LHX6: variants seen among roughly 807,000 people sequenced by gnomAD.
LHX6 encodes the protein LIM/homeobox protein Lhx6.
Under a neutral mutation model 47.1 loss-of-function variants are expected in LHX6, and 15 were observed. The ratio of observed to expected loss-of-function variants is 0.32; its 90% CI spans 0.21 to 0.49. The LOEUF (loss-of-function observed/expected upper bound fraction) is 0.49, where lower values mean the gene tolerates loss of function less well. LHX6 is among the 20% of genes least tolerant of loss of function. The pLI is 0.99. For synonymous variants in LHX6, 242 were observed against 233.5 expected (o/e 1.04, Z -0.33); for missense variants, 404 against 539.6 (o/e 0.75, Z 2.49).
rs112762635 is a variant in LHX6, at chr9:122,205,887, G to A, written c.1159-1107C>T. Among the ~76,000 whole-genome samples, 83 of 152,198 alleles carry A rather than the reference G, an allele frequency of 5.5e-4. 1 individual carries two copies. Among genetic ancestry groups the A allele is most frequent in the Middle Eastern group, 3.4e-3 (1 of 294 alleles). On this transcript the variant is annotated intron_variant, in intron 9 of 9. Transcript: ENST00000394319. ...CATTCCCAGATCTCACAGGGGAGGTGGCAGAGCTGGGATTCCGAGCTGGCC... is the reference window on the plus strand; with the variant it reads ...CATTCCCAGATCTCACAGGGGAGGTAGCAGAGCTGGGATTCCGAGCTGGCC...
rs1831222620 is a variant in LHX6 at position 122,228,848 on chromosome 9, G to A, written c.-108C>T. On this transcript the variant is annotated 5_prime_UTR_variant, in exon 1 of 10. Coordinates refer to ENST00000394319, the MANE Select transcript of LHX6 (RefSeq NM_014368.5). The stretch of plus-strand genomic sequence containing the variant: ...CTGCTGCAGGAGCAGGAGGAGAGCC[G>A]AGGCGCCGGCCCCGCCGCCCCGGGC... The A allele has an allele frequency of 1.4e-6, 1 of 732,392 alleles. No individual in the cohort carries two copies. The highest frequency in any genetic ancestry group is 1.8e-6 in the Non-Finnish European group (1 of 551,290). The allele number at this position is 732,392 out of a possible 1,614,324, so 45.4% of individuals were successfully genotyped here.
chr9:122,228,093 G>A (rs1831186053), intron 1 of LHX6: 1 of 604,568 alleles, frequency 1.7e-6, no homozygotes. Context: ...AAAACCCCGA[G>A]CGCGGTGAGC....
chr9:122,204,827 A>G (rs765807838), intron 9 of LHX6, 47 bp from the exon 10 acceptor site: 10 of 1,379,962 alleles, frequency 7.2e-6, no homozygotes, highest in Non-Finnish European at 9.9e-6. Context: ...GGCCTGCCCC[A>G]CCCTGCTGCC....
intron 4 of LHX6, among the ~76,000 whole-genome samples, chr9:122,222,285 G>A (rs147274952): frequency 1.6e-4 from 25 of 152,316 alleles, no homozygotes; most frequent in African/African-American, 5.5e-4. Context: ...GGGGAAATGT[G>A]AATGTCCCGG....
chr9:122,224,729 A>G (rs1831019858), intron 4 of LHX6, among the ~76,000 whole-genome samples: 1 of 152,144 alleles, frequency 6.6e-6, no homozygotes, highest in Admixed American at 6.5e-5. Context: ...GCACACACAC[A>G]GTCTCAACAT....
chr9:122,217,540 G>A lies in LHX6; in HGVS notation c.462-252C>T, dbSNP rs1320063373. On this transcript the variant is annotated intron_variant, in intron 4 of 9. Coordinates refer to ENST00000394319, the MANE Select transcript of LHX6 (RefSeq NM_014368.5). The surrounding 1 kb of genome is among the most constrained non-coding windows in gnomAD (Gnocchi z 4.9). Reference sequence around the variant, plus strand: ...TTTTCTACGATGGTCACTTATATTTGCATATTAATTTGTTTGTTAAAAATA... The same window carrying A: ...TTTTCTACGATGGTCACTTATATTTACATATTAATTTGTTTGTTAAAAATA... Among the ~76,000 whole-genome samples the A allele has an allele frequency of 1.3e-5, 2 of 152,128 alleles. No individual in the cohort carries two copies. Among genetic ancestry groups the A allele is most frequent in the Non-Finnish European group, 2.9e-5 (2 of 68,020 alleles).
chr9:122,221,796 A>T, intron 4 of LHX6: 1 of 920,896 alleles, frequency 1.1e-6, no homozygotes, highest in Non-Finnish European at 1.3e-6. Flanking sequence ...GGATCAGCAG[A>T]GAGGGGCCCC....
At position 122,213,734 on chromosome 9, in the gene LHX6, T is replaced by C; in HGVS notation, c.926A>G (p.Gln309Arg). ...CGCCCCCGAGGGCGGCACTGGGTGT[T>C]GCGGCGTGTGCTTTTTATGACGCGC... The part of the protein sequence containing the change: ...CRARHKKHTP[Q>R]HPVPPSGAPP... The change falls in exon 8 of 10, where the codon CAA (glutamine) becomes CGA (arginine). Residue 309 changes from glutamine (Q) to arginine (R), a missense_variant. Physicochemically the swap from Gln to Arg is conservative, Grantham distance 43. Around this residue, in one of 7 missense-constraint regions of LHX6, gnomAD observed 127 missense variants for 116.1 expected, o/e 1.09. Transcript: ENST00000394319. The surrounding 1 kb of genome is among the most constrained non-coding windows in gnomAD (Gnocchi z 5.5). 6.2e-7 allele frequency: 1 copy of C among 1,609,706 alleles called. No individual in the cohort carries two copies.
In LHX6 at chr9:122,214,696, T is replaced by C. The variant is rs1830533339; in HGVS notation, c.683-313A>G. Among the ~76,000 whole-genome samples the C allele has an allele frequency of 6.6e-6, 1 of 152,092 alleles. No individual in the cohort carries two copies. Among genetic ancestry groups the C allele is most frequent in the African/African-American group, 2.4e-5 (1 of 41,388 alleles). ...AAGCCCCTGCCCTGGCCCTTTCAAC[T>C]AGAATCCGAAAGCTAGCTGACCCTA... On this transcript the variant is annotated intron_variant, in intron 5 of 9. Transcript: ENST00000394319. This position sits in a 1 kb window ranked among gnomAD's most constrained non-coding sequence, Gnocchi z 4.6.
intron 1 of LHX6, chr9:122,228,401 C>A: frequency 6.7e-7 from 1 of 1,496,764 alleles, no homozygotes; most frequent in Non-Finnish European, 8.8e-7. Context: ...CCGGCCTCGC[C>A]TCCTCTTGAT....
intron 4 of LHX6, among the ~76,000 whole-genome samples, chr9:122,222,331 A>G (rs1830897721): frequency 6.6e-6 from 1 of 152,206 alleles, no homozygotes; most frequent in Admixed American, 6.5e-5. Flanking sequence ...ATTTTCTTCC[A>G]TTTTTGGAAG....
intron 4 of LHX6, among the ~76,000 whole-genome samples, chr9:122,218,186 G>A (rs778106089): frequency 5.3e-5 from 8 of 152,082 alleles, no homozygotes; most frequent in African/African-American, 9.7e-5. Flanking sequence ...AGGAGGCAGC[G>A]GAGTCTGGTT....
chr9:122,215,239 G>T (rs1478023405), intron 5 of LHX6, among the ~76,000 whole-genome samples: 2 of 152,088 alleles, frequency 1.3e-5, no homozygotes, highest in African/African-American at 4.8e-5. Context: ...AAGGAAAAAA[G>T]CAAACATTGT....
rs1275771659 is a variant in LHX6, at chr9:122,217,267, G to A, written c.483C>T (p.Ala161=). Residue 161 remains alanine, a synonymous_variant, in exon 5 of 10, where the codon GCC becomes GCT. Coordinates refer to ENST00000394319, the MANE Select transcript of LHX6 (RefSeq NM_014368.5). This position sits in a 1 kb window ranked among gnomAD's most constrained non-coding sequence, Gnocchi z 4.9. ...TGGCGTAGATCTGTCGGCCGCACCG[G>A]GCACACTTGGTCCCGAATCGGCTGC... The part of the protein sequence containing the change: ...DYFSRFGTKC[A]RCGRQIYASD... 6.2e-7 allele frequency: 1 copy of A among 1,612,678 alleles called. No homozygotes were observed. The highest frequency in any genetic ancestry group is 8.5e-7 in the Non-Finnish European group (1 of 1,179,818).
chr9:122,224,338 T>G (rs1831001971), intron 4 of LHX6, among the ~76,000 whole-genome samples: 1 of 152,142 alleles, frequency 6.6e-6, no homozygotes, highest in Admixed American at 6.5e-5. Flanking sequence ...CTGGCATGTT[T>G]TATACCAACT....
At position 122,226,536 on chromosome 9, in the gene LHX6, G is replaced by A; in HGVS notation, c.340-39C>T. 6.3e-7 allele frequency: 1 copy of A among 1,599,162 alleles called. No individual in the cohort carries two copies. Among genetic ancestry groups the A allele is most frequent in the Non-Finnish European group, 8.5e-7 (1 of 1,175,652 alleles). On this transcript the variant is annotated intron_variant, in intron 3 of 9. Transcript: ENST00000394319. This position sits in a 1 kb window ranked among gnomAD's most constrained non-coding sequence, Gnocchi z 6.5. ...GGGGACGGAGGTCGGCTCAGCGCGG[G>A]CCTCTTTCACTCCGGGCCCCAGCCT... is the stretch of plus-strand genomic sequence containing the variant.
In LHX6 at chr9:122,226,517, G is replaced by C. The variant is rs201225231; in HGVS notation, c.340-20C>G. On this transcript the variant is annotated intron_variant, in intron 3 of 9. Transcript: ENST00000394319. This position sits in a 1 kb window ranked among gnomAD's most constrained non-coding sequence, Gnocchi z 6.5. ...GTTGACCTGGGGACGGGGCGGGGAC[G>C]GAGGTCGGCTCAGCGCGGGCCTCTT... The C allele has an allele frequency of 1.0e-4, 166 of 1,610,582 alleles. No homozygotes were observed. The highest frequency in any genetic ancestry group is 5.6e-4 in the South Asian group (51 of 90,786).
rs766030969 is a variant in LHX6, at chr9:122,226,507, G to A, written c.340-10C>T. The stretch of plus-strand genomic sequence containing the variant: ...AGATGAGGTTGTTGACCTGGGGACG[G>A]GGCGGGGACGGAGGTCGGCTCAGCG... On this transcript the variant is annotated splice_polypyrimidine_tract_variant and intron_variant, in intron 3 of 9. Coordinates refer to ENST00000394319, the MANE Select transcript of LHX6 (RefSeq NM_014368.5). The surrounding 1 kb of genome is among the most constrained non-coding windows in gnomAD (Gnocchi z 6.5). 6.2e-7 allele frequency: 1 copy of A among 1,611,774 alleles called. No homozygotes were observed. The highest frequency in any genetic ancestry group is 8.5e-7 in the Non-Finnish European group (1 of 1,179,516).
chr9:122,219,684 T>C (rs1182195771), intron 4 of LHX6, among the ~76,000 whole-genome samples: 6 of 152,168 alleles, frequency 3.9e-5, no homozygotes, highest in Admixed American at 6.5e-5. Context: ...GTGGGGACTC[T>C]GGCATCCGGT....
Sources: allele counts gnomAD v4.1 joint callset (sites outside exome capture counted in the v4.1 genomes callset), GRCh38; gene constraint gnomAD v4.1.1; regional missense constraint gnomAD v4.1.1; non-coding constraint Gnocchi (gnomAD v3.1); transcripts MANE v1.5; gene names NCBI Gene and HGNC (gene_info 2026-07-23, HGNC 2026-07-21).